The following CLASP2 variants were observed in gnomAD, a reference collection of about 807,000 sequenced individuals.
CLASP2 encodes the protein CLIP-associating protein 2.
In CLASP2, 47 loss-of-function variants were observed where a neutral mutation model predicts 194.4. That is an observed-to-expected ratio of 0.24 (90% CI 0.19 to 0.31). The LOEUF (loss-of-function observed/expected upper bound fraction) is 0.31, where lower values mean the gene tolerates loss of function less well. CLASP2 is among the 10% of genes least tolerant of loss of function. CLASP2 has a pLI of 1.00. For missense variants in CLASP2, 1,445 were observed against 1,823.6 expected (o/e 0.79, Z 3.78); for synonymous variants, 619 against 633.5 (o/e 0.98, Z 0.34).
chr3:33,586,179 G>A (rs1462895031), intron 21 of CLASP2, among the ~76,000 whole-genome samples: 1 of 151,408 alleles, frequency 6.6e-6, no homozygotes, highest in Non-Finnish European at 1.5e-5. Flanking sequence ...CTGTCACCCA[G>A]GCTGGAGTGC....
intron 34 of CLASP2, among the ~76,000 whole-genome samples, chr3:33,521,896 C>T (rs1367757014): frequency 6.6e-6 from 1 of 152,206 alleles, no homozygotes; most frequent in Non-Finnish European, 1.5e-5. Flanking sequence ...TCCACCAGCC[C>T]CAGCCCCTTG....
At chr3:33,715,537 G>C (rs1427106074) in intron 1 of CLASP2, among the ~76,000 whole-genome samples, 2 of 151,946 alleles carry the variant, frequency 1.3e-5, no homozygotes, top group African/African-American at 2.4e-5. Context: ...TATCTGCAAT[G>C]CCTAGAAGAG....
At position 33,607,477 on chromosome 3, in the gene CLASP2, C is replaced by T. The variant is rs771301748; in HGVS notation, c.1449-16G>A. 4.3e-5 allele frequency: 67 copies of T among 1,566,416 alleles called. No homozygotes were observed. Among genetic ancestry groups the T allele is most frequent in the Non-Finnish European group, 5.6e-5 (64 of 1,147,416 alleles). On this transcript the variant is annotated splice_polypyrimidine_tract_variant and intron_variant, in intron 14 of 38. Transcript: ENST00000682230. ...GGCTGCATGTCTATAAAATAAAATA[C>T]ATCTTTAGAGTTATGATATAGCTGT... is the stretch of plus-strand genomic sequence containing the variant.
chr3:33,538,955 C>A lies in CLASP2; in HGVS notation c.3405-13G>T. On this transcript the variant is annotated splice_polypyrimidine_tract_variant and intron_variant, in intron 32 of 38. Transcript: ENST00000682230. ...ATAATCAAATGCACTATGAAAAAGA[C>A]GACACTAATTTTTACTTAGGTGTAG... 1 of 1,537,070 alleles carries A rather than the reference C, an allele frequency of 6.5e-7. No individual in the cohort carries two copies. Among genetic ancestry groups the A allele is most frequent in the Non-Finnish European group, 8.7e-7 (1 of 1,143,348 alleles).
chr3:33,658,920 C>T, intron 7 of CLASP2: 4 of 1,440,470 alleles, frequency 2.8e-6, no homozygotes, highest in Non-Finnish European at 3.8e-6. Flanking sequence ...ATGATCGTCA[C>T]CTTAAAAGGA....
Position 33,626,977 on chromosome 3 carries a change from C to A in CLASP2, c.1035+11G>T, listed in dbSNP as rs553526790. On this transcript the variant is annotated intron_variant, in intron 10 of 38. Coordinates refer to ENST00000682230, the MANE Select transcript of CLASP2 (RefSeq NM_001365631.1). ...AGAAAGAAGATAAGAAAATTAAAGACAAAAACTTACTGCATTGGCACGCTG... is the reference window on the plus strand; with the variant it reads ...AGAAAGAAGATAAGAAAATTAAAGAAAAAAACTTACTGCATTGGCACGCTG... 1.5e-4 allele frequency: 224 copies of A among 1,528,802 alleles called. 1 individual carries two copies. The Middle Eastern group carries it at 4.0e-3, about 27-fold the overall frequency. The allele number at this position is 1,528,802 out of a possible 1,614,324, so 94.7% of individuals were successfully genotyped here. A position where few individuals can be genotyped will look rare whatever the true frequency, so the allele number is the denominator to read the frequency against.
intron 34 of CLASP2, among the ~76,000 whole-genome samples, chr3:33,528,253 A>C (rs2055171499): frequency 6.6e-6 from 1 of 152,220 alleles, no homozygotes. Context: ...CTTCATGCTA[A>C]AAACTCTCAA....
intron 34 of CLASP2, among the ~76,000 whole-genome samples, chr3:33,518,094 TATTCTG>T (rs1389012981): frequency 6.6e-6 from 1 of 152,240 alleles, no homozygotes; most frequent in Non-Finnish European, 1.5e-5. Context: ...CAACTAGACC[TATTCTG>T]ATTATCCTGA....
At chr3:33,629,999 A>G (rs2078777426) in intron 9 of CLASP2, among the ~76,000 whole-genome samples, 1 of 152,158 alleles carries the variant, frequency 6.6e-6, no homozygotes, top group Admixed American at 6.5e-5. Context: ...TAGTTGTTAG[A>G]GTACTTAAAA....
intron 37 of CLASP2, among the ~76,000 whole-genome samples, chr3:33,506,418 G>GAAAAAAAA (rs2048238421): frequency 8.9e-6 from 1 of 112,634 alleles, no homozygotes; most frequent in African/African-American, 3.6e-5. Flanking sequence ...AATTTGCTTT[G>GAAAAAAAA]AAATAAAATT....
intron 7 of CLASP2, among the ~76,000 whole-genome samples, chr3:33,663,197 C>CAAAAAAAAAAAAAAAAAAAAAAAAAAA (rs60671856): frequency 9.9e-6 from 1 of 100,768 alleles, no homozygotes; most frequent in Non-Finnish European, 2.0e-5. Context: ...GCAGTATCAC[C>CAAAAAAAAAAAAAAAAAAAAAAAAAAA]AAAAAAAAAA....
intron 7 of CLASP2, among the ~76,000 whole-genome samples, chr3:33,647,679 G>A (rs1422587001): frequency 6.6e-6 from 1 of 152,148 alleles, no homozygotes; most frequent in Non-Finnish European, 1.5e-5. Flanking sequence ...AAACAGGAGG[G>A]CAGATGGTTT....
chr3:33,611,179 C>A, intron 13 of CLASP2, among the ~76,000 whole-genome samples: 1 of 152,234 alleles, frequency 6.6e-6, no homozygotes, highest in Non-Finnish European at 1.5e-5. Flanking sequence ...CAAAGGCTAT[C>A]GCAACCTTAC....
chr3:33,498,425 T>TAAAAAA lies in CLASP2; in HGVS notation c.*205_*206insTTTTTT. On this transcript the variant is annotated 3_prime_UTR_variant, in exon 39 of 39. Coordinates refer to ENST00000682230, the MANE Select transcript of CLASP2 (RefSeq NM_001365631.1). The stretch of plus-strand genomic sequence containing the variant: ...AATTGATGTTAATACTGCTTCTTCT[T>TAAAAAA]GAATTTGGAATAACTATCATAAAAG... 2.3e-6 allele frequency: 1 copy of TAAAAAA among 438,298 alleles called. No homozygotes were observed. 27.2% of individuals were successfully genotyped at this position (438,298 alleles called of 1,614,324 possible).
intron 7 of CLASP2, among the ~76,000 whole-genome samples, chr3:33,654,844 A>G (rs1442470054): frequency 6.6e-6 from 1 of 152,164 alleles, no homozygotes; most frequent in Non-Finnish European, 1.5e-5. Flanking sequence ...AAAGTTTAAT[A>G]GAGGCCATGA....
rs1576738573 is a variant in CLASP2 at position 33,581,909 on chromosome 3, A to G, written c.2259T>C (p.Pro753=). The change falls in exon 23 of 39, where the codon CCT becomes CCC. Residue 753 remains proline (P), a synonymous_variant. Transcript: ENST00000682230. ...RLSVARSSRI[P]RPSVSQGCSR... is the part of the protein sequence containing the mutation. Reference sequence around the variant, plus strand: ...TGCATCCTTGACTCACACTTGGTCGAGGAATACGACTGCTTCGGGCTGGTG... The same window carrying G: ...TGCATCCTTGACTCACACTTGGTCGGGGAATACGACTGCTTCGGGCTGGTG... 6 of 1,613,500 alleles carry G rather than the reference A, an allele frequency of 3.7e-6. No individual in the cohort carries two copies. Among genetic ancestry groups the G allele is most frequent in the Non-Finnish European group, 4.2e-6 (5 of 1,179,644 alleles).
intron 7 of CLASP2, among the ~76,000 whole-genome samples, chr3:33,652,101 T>C (rs983203011): frequency 4.6e-5 from 7 of 152,206 alleles, no homozygotes; most frequent in African/African-American, 1.7e-4. Flanking sequence ...ATACATCTTA[T>C]GTGGATTTTC....
intron 8 of CLASP2, among the ~76,000 whole-genome samples, chr3:33,644,077 C>T (rs1454439413): frequency 6.6e-6 from 1 of 151,942 alleles, no homozygotes; most frequent in African/African-American, 2.4e-5. Flanking sequence ...GAAACTAACA[C>T]CGGAAATATA....
At chr3:33,580,141 TG>T (rs1000453591) in intron 23 of CLASP2, among the ~76,000 whole-genome samples, 1 of 152,168 alleles carries the variant, frequency 6.6e-6, no homozygotes, top group African/African-American at 2.4e-5. Flanking sequence ...CTCTGGCACC[TG>T]GGGCTGGAAC....
Sources: gnomAD v4.1 joint callset for allele counts (sites outside exome capture counted in the v4.1 genomes callset) on GRCh38, gnomAD v4.1.1 for gene constraint, MANE v1.5 for transcripts, NCBI Gene and HGNC (gene_info 2026-07-23, HGNC 2026-07-21) for gene names.